DIP2C: variants seen among roughly 807,000 people sequenced by gnomAD.
DIP2C encodes DIP2 acetate--CoA ligase C (putative).
DIP2C carries 33 observed loss-of-function variants against 192.4 expected under a neutral mutation model. That is an observed-to-expected ratio of 0.17 (90% CI 0.13 to 0.23). DIP2C has a LOEUF of 0.23. Among genes scored for constraint, DIP2C ranks in the 10% least tolerant of loss-of-function variants. The probability of loss-of-function intolerance (pLI) is 1.00; values close to 1 mark genes in which losing one functional copy is unlikely to be tolerated. For missense variants in DIP2C, 1,537 were observed against 2,110.1 expected (o/e 0.73, Z 5.32); for synonymous variants, 979 against 864.1 (o/e 1.13, Z -2.33).
intron 3 of DIP2C, among the ~76,000 whole-genome samples, chr10:451,581 T>TA (rs1314715339): frequency 6.6e-6 from 1 of 152,254 alleles, no homozygotes; most frequent in East Asian, 1.9e-4. Flanking sequence ...GTGCTTGTGT[T>TA]AGAAGCAATT....
intron 17 of DIP2C, among the ~76,000 whole-genome samples, chr10:371,297 A>G (rs1960924138): frequency 6.6e-6 from 1 of 152,098 alleles, no homozygotes; most frequent in Non-Finnish European, 1.5e-5. Context: ...TGTCCCCGCA[A>G]AAGATCACCC....
chr10:447,209 A>C (rs1968308112), intron 3 of DIP2C, among the ~76,000 whole-genome samples: 1 of 148,638 alleles, frequency 6.7e-6, no homozygotes, highest in African/African-American at 2.6e-5. Flanking sequence ...GAGCAGCAGG[A>C]CCCACTCATC....
intron 3 of DIP2C, among the ~76,000 whole-genome samples, chr10:452,746 C>G (rs1301677531): frequency 2.0e-5 from 3 of 152,188 alleles, no homozygotes; most frequent in Non-Finnish European, 4.4e-5. Flanking sequence ...AAACACCACA[C>G]ACCGCTACTG....
intron 28 of DIP2C, among the ~76,000 whole-genome samples, chr10:344,192 T>C (rs1958299315): frequency 6.6e-6 from 1 of 152,220 alleles, no homozygotes; most frequent in Non-Finnish European, 1.5e-5. Flanking sequence ...TAAATCATCT[T>C]GATCTGAAAA....
At chr10:545,551 G>A (rs185327114) in intron 1 of DIP2C, among the ~76,000 whole-genome samples, 10 of 152,036 alleles carry the variant, frequency 6.6e-5, no homozygotes, top group South Asian at 6.2e-4. Flanking sequence ...AGAAGACGCC[G>A]TCTACACAGA....
rs7071903 is a variant in DIP2C, at chr10:542,201, T to A, written c.86-55671A>T. Among the ~76,000 whole-genome samples, 88 of 152,162 alleles carry A rather than the reference T, an allele frequency of 5.8e-4. 1 individual carries two copies. The highest frequency in any genetic ancestry group is 2.0e-3 in the African/African-American group (81 of 41,494). On this transcript the variant is annotated intron_variant, in intron 1 of 36. Transcript: ENST00000280886. ...GGCTCACTCCCTCCTGAGCTCCTTC[T>A]GCTCCCTGCCTGCCTCTGCGAGTTA...
rs966010207 is a variant in DIP2C at position 335,670 on chromosome 10, C to T, written c.3584+5529G>A. Among the ~76,000 whole-genome samples, 14 of 152,366 alleles carry T rather than the reference C, an allele frequency of 9.2e-5. No individual in the cohort carries two copies. In the East Asian group the frequency reaches 2.5e-3, roughly 27 times the overall value. The stretch of plus-strand genomic sequence containing the variant: ...ACAGGCATCTTCGGCAGGAGTATCG[C>T]GGATGCGGCTCTCTTCATCCCACCC... On this transcript the variant is annotated intron_variant, in intron 29 of 36. Transcript: ENST00000280886.
intron 9 of DIP2C, among the ~76,000 whole-genome samples, chr10:405,795 C>T (rs1224691748): frequency 1.3e-5 from 2 of 152,176 alleles, no homozygotes; most frequent in African/African-American, 2.4e-5. Context: ...AAGGCCTTTC[C>T]GGCTGAAGGA....
chr10:548,208 A>ACCCCCCCCCC (rs33930610), intron 1 of DIP2C, among the ~76,000 whole-genome samples: 2 of 58,278 alleles, frequency 3.4e-5, no homozygotes, highest in African/African-American at 1.3e-4. Flanking sequence ...AGTCTGCCCC[A>ACCCCCCCCCC]CCCCCCCCCC....
intron 1 of DIP2C, among the ~76,000 whole-genome samples, chr10:549,758 C>G (rs1184461887): frequency 6.6e-6 from 1 of 152,174 alleles, no homozygotes; most frequent in African/African-American, 2.4e-5. Context: ...AAGCTCGCAG[C>G]AAGTCCAGGT....
intron 1 of DIP2C, among the ~76,000 whole-genome samples, chr10:510,576 T>C (rs1005439153): frequency 6.6e-6 from 1 of 152,124 alleles, no homozygotes; most frequent in African/African-American, 2.4e-5. Flanking sequence ...TACTGCAGGG[T>C]CAGAGCCAAG....
chr10:545,235 C>G (rs1848224919), intron 1 of DIP2C, among the ~76,000 whole-genome samples: 1 of 139,914 alleles, frequency 7.1e-6, no homozygotes, highest in African/African-American at 2.8e-5. Flanking sequence ...GGCATGACCT[C>G]AGCTCACTGC....
At chr10:315,817 C>T (rs918645632) in intron 31 of DIP2C, among the ~76,000 whole-genome samples, 16 of 152,142 alleles carry the variant, frequency 1.1e-4, no homozygotes, top group African/African-American at 3.9e-4. Context: ...GTATGTTAGA[C>T]CCACGGGCCT....
intron 4 of DIP2C, among the ~76,000 whole-genome samples, chr10:428,492 T>C (rs543975922): frequency 2.6e-5 from 4 of 152,358 alleles, no homozygotes; most frequent in South Asian, 2.1e-4. Context: ...CTGGTCTCCA[T>C]TGTATCTTCA....
At chr10:348,873 C>CAGG in intron 25 of DIP2C, 111 bp from the exon 26 acceptor site, 1 of 1,484,384 alleles carries the variant, frequency 6.7e-7, no homozygotes. Flanking sequence ...AAACGAGCAG[C>CAGG]TGAGCTTCTC....
intron 3 of DIP2C, 67 bp downstream of exon 3, chr10:472,372 T>A: frequency 6.8e-7 from 1 of 1,471,026 alleles, no homozygotes; most frequent in Admixed American, 1.7e-5. Flanking sequence ...GCCCAGTGGC[T>A]GGGCACAGGC....
intron 1 of DIP2C, among the ~76,000 whole-genome samples, chr10:523,328 CTA>C (rs1443406587): frequency 2.0e-5 from 3 of 150,480 alleles, no homozygotes; most frequent in East Asian, 2.0e-4. Flanking sequence ...ACACTCGTTT[CTA>C]CCGGATGCAA....
At chr10:598,086 G>A (rs769333867) in intron 1 of DIP2C, among the ~76,000 whole-genome samples, 5 of 152,258 alleles carry the variant, frequency 3.3e-5, no homozygotes, top group Non-Finnish European at 2.9e-5. Flanking sequence ...CAAGTCTGCA[G>A]GACACGCGTG....
intron 3 of DIP2C, among the ~76,000 whole-genome samples, chr10:446,076 T>C (rs1968173201): frequency 6.6e-6 from 1 of 152,086 alleles, no homozygotes. Context: ...ACTGGGCATC[T>C]GTATACGTCT....
Sources: allele counts gnomAD v4.1 joint callset (sites outside exome capture counted in the v4.1 genomes callset), GRCh38; gene constraint gnomAD v4.1.1; transcripts MANE v1.5; gene names NCBI Gene and HGNC (gene_info 2026-07-23, HGNC 2026-07-21).